Variants in TAF4 observed in about 807,000 individuals in gnomAD.
The protein encoded by TAF4 is transcription initiation factor TFIID subunit 4.
In TAF4, 9 loss-of-function variants were observed where a neutral mutation model predicts 90.3. The ratio of observed to expected loss-of-function variants is 0.10; its 90% confidence interval spans 0.06 to 0.17. TAF4 has a LOEUF of 0.17. Among genes scored for constraint, TAF4 ranks in the 10% least tolerant of loss-of-function variants. TAF4 has a pLI of 1.00. For missense variants in TAF4, 1,351 were observed against 1,370.7 expected (o/e 0.99, Z 0.23); for synonymous variants, 818 against 638.9 (o/e 1.28, Z -4.23).
intron 14 of TAF4, among the ~76,000 whole-genome samples, chr20:61,987,613 G>A (rs942738033): frequency 2.0e-5 from 3 of 152,212 alleles, no homozygotes; most frequent in African/African-American, 4.8e-5. Context: ...ACCCTCAGCC[G>A]TGGCTGCTGG....
rs933032876 is a variant in TAF4, at chr20:61,975,985, G to A, written c.*183C>T. The A allele has an allele frequency of 1.9e-5, 12 of 636,242 alleles. No individual in the cohort carries two copies. Among genetic ancestry groups the A allele is most frequent in the Admixed American group, 8.8e-5 (3 of 34,108 alleles). The allele number at this position is 636,242 out of a possible 1,614,324, so 39.4% of individuals were successfully genotyped here. A position where few individuals can be genotyped will look rare whatever the true frequency, so the allele number is the denominator to read the frequency against. On this transcript the variant is annotated 3_prime_UTR_variant, in exon 15 of 15. Coordinates refer to ENST00000252996, the MANE Select transcript of TAF4 (RefSeq NM_003185.4). ...AATTGTCCTTTAAGAGTATCCACAG[G>A]CCTTTGTGTTCTCTCTGTTACAGAA...
chr20:62,012,298 T>C (rs2055783630), intron 3 of TAF4: 1 of 152,354 alleles, frequency 6.6e-6, no homozygotes, highest in Non-Finnish European at 1.5e-5. Flanking sequence ...CTCCCTTGCC[T>C]CAGTGTAAGC....
intron 1 of TAF4, among the ~76,000 whole-genome samples, chr20:62,033,839 G>A (rs1165218947): frequency 1.3e-5 from 2 of 151,680 alleles, no homozygotes; most frequent in Admixed American, 6.6e-5. Context: ...TCAGGAGATC[G>A]AGACCATCCT....
chr20:62,055,358 A>C (rs1377698997), intron 1 of TAF4, among the ~76,000 whole-genome samples: 3 of 151,574 alleles, frequency 2.0e-5, no homozygotes, highest in South Asian at 4.2e-4. Flanking sequence ...CGATCGATTC[A>C]CACTGCCTGC....
At chr20:62,028,533 A>C (rs2055886547) in intron 1 of TAF4, among the ~76,000 whole-genome samples, 1 of 152,166 alleles carries the variant, frequency 6.6e-6, no homozygotes, top group Non-Finnish European at 1.5e-5. Context: ...GGGGCCCTGG[A>C]ACCATCCCGA....
At chr20:62,023,617 G>A (rs1009020990) in intron 1 of TAF4, among the ~76,000 whole-genome samples, 7 of 151,244 alleles carry the variant, frequency 4.6e-5, no homozygotes, top group African/African-American at 1.2e-4. Context: ...GCGTGGTGGC[G>A]CACACCTGTA....
intron 1 of TAF4, among the ~76,000 whole-genome samples, chr20:62,016,300 G>A (rs780301446): frequency 3.9e-5 from 6 of 152,270 alleles, no homozygotes; most frequent in Non-Finnish European, 7.3e-5. Context: ...TTGTTCCTGG[G>A]TGTGTTTGTG....
intron 1 of TAF4, among the ~76,000 whole-genome samples, chr20:62,064,030 G>T (rs1475451321): frequency 1.3e-5 from 2 of 152,222 alleles, no homozygotes; most frequent in Non-Finnish European, 2.9e-5. Flanking sequence ...GGGGACAGCT[G>T]CTGCCACTCA....
At chr20:62,054,067 C>T (rs1383073033) in intron 1 of TAF4, among the ~76,000 whole-genome samples, 1 of 152,232 alleles carries the variant, frequency 6.6e-6, no homozygotes, top group Non-Finnish European at 1.5e-5. Context: ...CAGACCCACC[C>T]CAGTGCAACA....
chr20:61,978,711 G>C (rs924883654), intron 14 of TAF4, among the ~76,000 whole-genome samples: 6 of 151,052 alleles, frequency 4.0e-5, no homozygotes, highest in Non-Finnish European at 4.4e-5. Flanking sequence ...CCAACCAAGG[G>C]AGGGGGCGAG....
rs1165557022 is a variant in TAF4, at chr20:62,065,268, G to GCCGGGGCCGGGC, written c.542_543insGCCCGGCCCCGG (p.Pro184_Gly187dup). 6.4e-5 allele frequency: 60 copies of GCCGGGGCCGGGC among 937,910 alleles called. No homozygotes were observed. Among genetic ancestry groups the GCCGGGGCCGGGC allele is most frequent in the African/African-American group, 9.4e-5 (5 of 53,046 alleles). The allele number at this position is 937,910 out of a possible 1,614,324, so 58.1% of individuals were successfully genotyped here. A position where few individuals can be genotyped will look rare whatever the true frequency, so the allele number is the denominator to read the frequency against. On this transcript the variant is annotated inframe_insertion, in exon 1 of 15. Coordinates refer to ENST00000252996, the MANE Select transcript of TAF4 (RefSeq NM_003185.4). ...CGGGCTTGCCAGGGCCAGGGCCGGG[G>GCCGGGGCCGGGC]CCGGGGCCGGGGCCGGGCCCGGGGC...
At position 62,003,368 on chromosome 20, in the gene TAF4, C is replaced by T; in HGVS notation, c.2372-94G>A. On this transcript the variant is annotated intron_variant, in intron 8 of 14. Transcript: ENST00000252996. ...TACAGGCTCAAGGGCACAGCTACCA[C>T]TCTCCTAATTAGCTACAAGAAAGTT... The T allele has an allele frequency of 3.0e-6, 3 of 1,003,546 alleles. No homozygotes were observed. The South Asian group carries it at 4.0e-5, about 13-fold the overall frequency. The allele number at this position is 1,003,546 out of a possible 1,614,324, so 62.2% of individuals were successfully genotyped here. A position where few individuals can be genotyped will look rare whatever the true frequency, so the allele number is the denominator to read the frequency against.
chr20:62,019,246 C>T (rs112542614), intron 1 of TAF4, among the ~76,000 whole-genome samples: 8 of 152,348 alleles, frequency 5.3e-5, no homozygotes, highest in Middle Eastern at 3.4e-3. Flanking sequence ...AGCTCAGGTG[C>T]CACTCAGTGT....
chr20:62,060,320 C>T (rs1334835206), intron 1 of TAF4, among the ~76,000 whole-genome samples: 2 of 152,256 alleles, frequency 1.3e-5, no homozygotes, highest in African/African-American at 4.8e-5. Context: ...CAAACGTCAT[C>T]CTCTGTTCAA....
intron 9 of TAF4, 85 bp downstream of exon 9, chr20:62,003,075 C>A: frequency 8.4e-7 from 1 of 1,192,682 alleles, no homozygotes; most frequent in Non-Finnish European, 1.2e-6. Flanking sequence ...GGGAAAGACC[C>A]GTGGGCGGGA....
chr20:61,995,242 C>G (rs2055656331), intron 14 of TAF4, among the ~76,000 whole-genome samples: 1 of 152,056 alleles, frequency 6.6e-6, no homozygotes. Flanking sequence ...GTGAGATGGC[C>G]CAGGTGTTGA....
At chr20:62,052,671 CT>C (rs1186970040) in intron 1 of TAF4, among the ~76,000 whole-genome samples, 47 of 151,910 alleles carry the variant, frequency 3.1e-4, no homozygotes, top group East Asian at 1.6e-3. Flanking sequence ...CATTGCACCC[CT>C]ATGTGAACTG....
chr20:62,025,892 G>A (rs574602305), intron 1 of TAF4, among the ~76,000 whole-genome samples: 1 of 152,292 alleles, frequency 6.6e-6, no homozygotes, highest in African/African-American at 2.4e-5. Context: ...GGCCGTGCTG[G>A]GGGTAGGGTT....
At chr20:62,026,853 A>ACGCTG (rs2055877873) in intron 1 of TAF4, among the ~76,000 whole-genome samples, 1 of 152,190 alleles carries the variant, frequency 6.6e-6, no homozygotes, top group Non-Finnish European at 1.5e-5. Flanking sequence ...GGTGGTCTGC[A>ACGCTG]CAGCAGTCAG....
Sources: gnomAD v4.1 joint callset for allele counts (sites outside exome capture counted in the v4.1 genomes callset) on GRCh38, gnomAD v4.1.1 for gene constraint, MANE v1.5 for transcripts, NCBI Gene and HGNC (gene_info 2026-07-23, HGNC 2026-07-21) for gene names.